SLC37A3: variants seen among roughly 807,000 people sequenced by gnomAD.
SLC37A3 encodes sugar phosphate exchanger 3.
Under a neutral mutation model 67.1 loss-of-function variants are expected in SLC37A3, and 51 were observed. The ratio of observed to expected loss-of-function variants is 0.76; its 90% CI spans 0.61 to 0.96. SLC37A3 has a LOEUF of 0.96. Ranked by LOEUF, SLC37A3 falls within the 40% of genes least tolerant of loss-of-function variation. The pLI is 0.00. For synonymous variants in SLC37A3, 214 were observed against 231.4 expected (o/e 0.92, Z 0.68); for missense variants, 508 against 603.0 (o/e 0.84, Z 1.65).
chr7:140,356,379 A>G (rs1797029807), intron 6 of SLC37A3, among the ~76,000 whole-genome samples: 1 of 152,104 alleles, frequency 6.6e-6, no homozygotes, highest in African/African-American at 2.4e-5. Flanking sequence ...TATACAAAGA[A>G]GCACACGAAA....
chr7:140,349,867 G>A (rs1368204035), intron 9 of SLC37A3, among the ~76,000 whole-genome samples: 1 of 152,186 alleles, frequency 6.6e-6, no homozygotes, highest in Non-Finnish European at 1.5e-5. Flanking sequence ...ATTACCAGCA[G>A]AGTACTTTAA....
At chr7:140,339,269 T>G (rs1176162248) in intron 13 of SLC37A3, among the ~76,000 whole-genome samples, 34 of 150,630 alleles carry the variant, frequency 2.3e-4, no homozygotes, top group Admixed American at 4.6e-4. Context: ...GTTTTGTTTT[T>G]TTTTTTTTTT....
intron 14 of SLC37A3, among the ~76,000 whole-genome samples, chr7:140,336,574 T>C (rs1273568312): frequency 1.3e-5 from 2 of 152,240 alleles, no homozygotes; most frequent in Non-Finnish European, 2.9e-5. Flanking sequence ...CATGACAGTG[T>C]TGATTACAGC....
At chr7:140,382,751 T>C (rs1798306979) in intron 1 of SLC37A3, among the ~76,000 whole-genome samples, 155 bp from the exon 2 acceptor site, 1 of 149,560 alleles carries the variant, frequency 6.7e-6, no homozygotes, top group Non-Finnish European at 1.5e-5. Context: ...GTAATTATGT[T>C]AAAGCTATTA....
chr7:140,374,277 G>A (rs943029676), intron 3 of SLC37A3, among the ~76,000 whole-genome samples: 34 of 152,030 alleles, frequency 2.2e-4, no homozygotes, highest in Non-Finnish European at 1.3e-4. Context: ...CAGGTCGATC[G>A]CTTGAGGTCA....
At chr7:140,387,236 C>T (rs577754497) in intron 1 of SLC37A3, among the ~76,000 whole-genome samples, 5 of 151,992 alleles carry the variant, frequency 3.3e-5, no homozygotes, top group South Asian at 4.2e-4. Context: ...TTTGGGAGGC[C>T]GAGGCGGGTG....
intron 1 of SLC37A3, among the ~76,000 whole-genome samples, chr7:140,393,174 C>G (rs1798787890): frequency 1.3e-5 from 2 of 152,176 alleles, no homozygotes; most frequent in Admixed American, 1.3e-4. Context: ...CACATCTTCT[C>G]TCTTTCCTTC....
chr7:140,393,425 G>A (rs752600362), intron 1 of SLC37A3, among the ~76,000 whole-genome samples: 5 of 152,114 alleles, frequency 3.3e-5, no homozygotes, highest in African/African-American at 7.2e-5. Context: ...TTGCCAGGCC[G>A]CCTGGTGAGG....
chr7:140,343,059 A>G (rs1030685544), intron 13 of SLC37A3, among the ~76,000 whole-genome samples: 2 of 152,164 alleles, frequency 1.3e-5, no homozygotes, highest in African/African-American at 4.8e-5. Flanking sequence ...TCCACATGCC[A>G]GGTGGGGATA....
intron 10 of SLC37A3, among the ~76,000 whole-genome samples, chr7:140,346,999 G>T (rs1055947680): frequency 6.6e-6 from 1 of 152,074 alleles, no homozygotes; most frequent in Non-Finnish European, 1.5e-5. Flanking sequence ...AGTGGCTCAC[G>T]CCTGTAATCC....
At chr7:140,344,936 A>T (rs890143174) in intron 12 of SLC37A3, among the ~76,000 whole-genome samples, 2 of 152,120 alleles carry the variant, frequency 1.3e-5, no homozygotes, top group African/African-American at 4.8e-5. Context: ...GCATTTTTCT[A>T]AGTCACTTTT....
intron 5 of SLC37A3, among the ~76,000 whole-genome samples, chr7:140,362,489 G>A (rs1797371273): frequency 7.0e-6 from 1 of 142,084 alleles, no homozygotes; most frequent in Non-Finnish European, 1.5e-5. Context: ...CTGCCCGGCC[G>A]CCCCTACCGG....
intron 1 of SLC37A3, among the ~76,000 whole-genome samples, chr7:140,383,198 TAAA>T (rs199833888): frequency 1.4e-5 from 2 of 141,854 alleles, no homozygotes; most frequent in African/African-American, 2.6e-5. Context: ...TGCTTTCACT[TAAA>T]AAAAAAAAAA....
intron 10 of SLC37A3, among the ~76,000 whole-genome samples, chr7:140,347,347 A>G (rs560445650): frequency 6.6e-6 from 1 of 152,310 alleles, no homozygotes; most frequent in Admixed American, 6.5e-5. Flanking sequence ...TTTAAAAAGC[A>G]GGGATATGAA....
At chr7:140,385,571 A>T (rs1386010455) in intron 1 of SLC37A3, among the ~76,000 whole-genome samples, 1 of 152,168 alleles carries the variant, frequency 6.6e-6, no homozygotes, top group Non-Finnish European at 1.5e-5. Context: ...TCCAAAAATA[A>T]ATGCTCCAAC....
intron 4 of SLC37A3, among the ~76,000 whole-genome samples, chr7:140,367,799 C>T (rs1797661790): frequency 6.6e-6 from 1 of 150,554 alleles, no homozygotes; most frequent in Admixed American, 6.7e-5. Flanking sequence ...CAGGGTGCTA[C>T]CTCTCCAGGA....
intron 5 of SLC37A3, among the ~76,000 whole-genome samples, chr7:140,361,717 T>A (rs983077778): frequency 6.7e-6 from 1 of 149,030 alleles, no homozygotes; most frequent in Non-Finnish European, 1.5e-5. Context: ...CCTGACTGGT[T>A]TTCGTTTTTT....
chr7:140,346,043 G>T lies in SLC37A3; in HGVS notation c.1025-73C>A, dbSNP rs1796545700. The stretch of plus-strand genomic sequence containing the variant: ...CTCACCTGAGGCGTGCTCCCCATTT[G>T]CCCTCTAGTCTCACTAGCAGCAGCC... On this transcript the variant is annotated intron_variant, in intron 10 of 14. Coordinates refer to ENST00000326232, the MANE Select transcript of SLC37A3 (RefSeq NM_207113.3). 6 of 1,094,356 alleles carry T rather than the reference G, an allele frequency of 5.5e-6. No homozygotes were observed. The Admixed American group carries it at 6.9e-5, about 13-fold the overall frequency. The allele number at this position is 1,094,356 out of a possible 1,614,324, so 67.8% of individuals were successfully genotyped here.
intron 1 of SLC37A3, among the ~76,000 whole-genome samples, chr7:140,390,708 TCTC>T (rs1798695009): frequency 6.6e-6 from 1 of 151,914 alleles, no homozygotes; most frequent in Non-Finnish European, 1.5e-5. Flanking sequence ...CCACCACCCT[TCTC>T]CTCCATCCCC....
Sources: gnomAD v4.1 joint callset for allele counts (sites outside exome capture counted in the v4.1 genomes callset) on GRCh38, gnomAD v4.1.1 for gene constraint, MANE v1.5 for transcripts, NCBI Gene and HGNC (gene_info 2026-07-23, HGNC 2026-07-21) for gene names.